ZC3HAV1: variants seen among roughly 807,000 people sequenced by gnomAD.
ZC3HAV1 encodes zinc finger CCCH-type containing, antiviral 1.
A neutral mutation model predicts 86.6 loss-of-function variants in ZC3HAV1; 41 were observed. That is an observed-to-expected ratio of 0.47 (90% CI 0.37 to 0.61). The LOEUF (loss-of-function observed/expected upper bound fraction) is 0.61. Among genes scored for constraint, ZC3HAV1 ranks in the 20% least tolerant of loss-of-function variants. ZC3HAV1 has a pLI of 0.00. For synonymous variants in ZC3HAV1, 421 were observed against 432.1 expected (o/e 0.97, Z 0.32); for missense variants, 964 against 1,141.1 (o/e 0.84, Z 2.24).
chr7:139,094,925 C>T (rs1817540217), intron 1 of ZC3HAV1, among the ~76,000 whole-genome samples: 1 of 151,816 alleles, frequency 6.6e-6, no homozygotes, highest in South Asian at 2.1e-4. Flanking sequence ...AATCGGTAAA[C>T]ACAGGACTAG....
In ZC3HAV1 at chr7:139,047,729, CG is replaced by C; in HGVS notation, c.2573del (p.Thr858ArgfsTer33). 1 of 1,614,068 alleles carries C rather than the reference CG, an allele frequency of 6.2e-7. No homozygotes were observed. The highest frequency in any genetic ancestry group is 8.5e-7 in the Non-Finnish European group (1 of 1,180,016). On this transcript the variant is annotated frameshift_variant, in exon 13 of 13. Transcript: ENST00000242351. LOFTEE classifies it high-confidence loss of function. ...GKFTEGNITY[T>X]SPPPQFDSCV... ...AGCTGTCGAACTGTGGAGGAGGGCT[CG>C]TGTACGTTATATTTCCTTCAGTAAA...
chr7:139,079,283 A>C (rs1339000226), intron 4 of ZC3HAV1, 187 bp downstream of exon 4: 14 of 1,537,170 alleles, frequency 9.1e-6, no homozygotes, highest in Admixed American at 5.9e-5. Context: ...TGTGGTGGGG[A>C]CCAGGTTCCT....
At position 139,077,006 on chromosome 7, in the gene ZC3HAV1, C is replaced by A. The variant is rs145683454; in HGVS notation, c.1574-597G>T. On this transcript the variant is annotated intron_variant, in intron 5 of 12. Transcript: ENST00000242351. The stretch of plus-strand genomic sequence containing the variant: ...ATTTAGTTACCCTTTCTGCACCCCC[C>A]CAAGTGTATGAAGCCAAAATGCTCT... Among the ~76,000 whole-genome samples, 116 of 135,888 alleles carry A rather than the reference C, an allele frequency of 8.5e-4. 6 individuals are homozygous for A. The highest frequency in any genetic ancestry group is 3.3e-3 in the African/African-American group (108 of 32,922). 89.1% of individuals were successfully genotyped at this position (135,888 alleles called of 152,430 possible). A position where few individuals can be genotyped will look rare whatever the true frequency, so the allele number is the denominator to read the frequency against.
In ZC3HAV1 at chr7:139,079,793, G is replaced by A; in HGVS notation, c.1148C>T (p.Ala383Val). ...RKTVFSPTLP[A>V]ARSSLGSLQT... ...CAGAGAGCCAAGAGAAGAGCGGGCG[G>A]CAGGTAGCGTGGGAGAAAACACAGT... The change falls in exon 4 of 13, where the codon GCC (alanine) becomes GTC (valine). Residue 383 changes from alanine (A) to valine (V), a missense_variant. Transcript: ENST00000242351. 6.2e-7 allele frequency: 1 copy of A among 1,614,146 alleles called. No individual in the cohort carries two copies. The highest frequency in any genetic ancestry group is 1.1e-5 in the South Asian group (1 of 91,082).
Position 139,069,608 on chromosome 7 carries a change from C to G in ZC3HAV1, c.1872+4248G>C, listed in dbSNP as rs372354543. 1.4e-3 allele frequency among the ~76,000 whole-genome samples: 209 copies of G among 152,270 alleles called. 1 individual carries two copies. Among genetic ancestry groups the G allele is most frequent in the African/African-American group, 4.7e-3 (197 of 41,550 alleles). On this transcript the variant is annotated intron_variant, in intron 7 of 12. Coordinates refer to ENST00000242351, the MANE Select transcript of ZC3HAV1 (RefSeq NM_020119.4). ...CCCTACACCATTGCTGCCCAACTGC[C>G]CATCGATTCAATCATCACTTCTCCT...
At chr7:139,106,367 C>A (rs1316940567) in intron 1 of ZC3HAV1, among the ~76,000 whole-genome samples, 3 of 152,198 alleles carry the variant, frequency 2.0e-5, no homozygotes, top group Admixed American at 1.3e-4. Flanking sequence ...AATCCCAGCA[C>A]TTTGGGAGGC....
At position 139,051,603 on chromosome 7, in the gene ZC3HAV1, A is replaced by C. The variant is rs542886437; in HGVS notation, c.2449+1848T>G. Among the ~76,000 whole-genome samples, 74 of 152,086 alleles carry C rather than the reference A, an allele frequency of 4.9e-4. 2 individuals are homozygous for C. The highest frequency in any genetic ancestry group is 3.6e-3 in the Admixed American group (55 of 15,278). ...AAAAATTTGTTTGTAATTAAAACAAAAAATTAGATAAGGTCTCGCCATGTT... is the reference window on the plus strand; with the variant it reads ...AAAAATTTGTTTGTAATTAAAACAACAAATTAGATAAGGTCTCGCCATGTT... On this transcript the variant is annotated intron_variant, in intron 12 of 12. Transcript: ENST00000242351.
intron 1 of ZC3HAV1, among the ~76,000 whole-genome samples, chr7:139,097,669 C>T (rs1196977269): frequency 1.3e-5 from 2 of 151,266 alleles, no homozygotes; most frequent in Non-Finnish European, 2.9e-5. Context: ...CTCCTGACCT[C>T]GTGATCCGCT....
In ZC3HAV1 at chr7:139,061,061, C is replaced by A; in HGVS notation, c.2071G>T (p.Val691Leu). 6.2e-7 allele frequency: 1 copy of A among 1,613,780 alleles called. No homozygotes were observed. The highest frequency in any genetic ancestry group is 8.5e-7 in the Non-Finnish European group (1 of 1,179,982). Reference sequence around the variant, plus strand: ...TCTGGCCCTCTCTTCATCTGCTGCACATACCACTGAGGCACAAATGTTGGT... The same window carrying A: ...TCTGGCCCTCTCTTCATCTGCTGCAAATACCACTGAGGCACAAATGTTGGT... The part of the protein sequence containing the change: ...RRPTFVPQWY[V>L]QQMKRGPDHQ... Residue 691 changes from valine to leucine, a missense_variant, in exon 9 of 13, where the codon GTG (valine) becomes TTG (leucine). Transcript: ENST00000242351.
At chr7:139,060,535 G>A (rs1816412289) in intron 9 of ZC3HAV1, 5 of 995,270 alleles carry the variant, frequency 5.0e-6, no homozygotes, top group Middle Eastern at 5.2e-4. Context: ...GAAAACAAAA[G>A]ACACCCAAAA....
intron 12 of ZC3HAV1, 132 bp downstream of exon 12, chr7:139,053,314 GCTTAC>G: frequency 3.8e-6 from 4 of 1,044,910 alleles, no homozygotes; most frequent in Non-Finnish European, 5.2e-6. Context: ...ATTACCGTGA[GCTTAC>G]TGTCTCTCCA....
In ZC3HAV1 at chr7:139,047,729, C is replaced by G; in HGVS notation, c.2574G>C (p.Thr858=). 6.2e-7 allele frequency: 1 copy of G among 1,614,068 alleles called. No individual in the cohort carries two copies. Among genetic ancestry groups the G allele is most frequent in the Non-Finnish European group, 8.5e-7 (1 of 1,180,016 alleles). Residue 858 remains threonine (T), a synonymous_variant, in exon 13 of 13, where the codon ACG becomes ACC. Coordinates refer to ENST00000242351, the MANE Select transcript of ZC3HAV1 (RefSeq NM_020119.4). ...GKFTEGNITY[T]SPPPQFDSCV... ...AGCTGTCGAACTGTGGAGGAGGGCT[C>G]GTGTACGTTATATTTCCTTCAGTAA...
chr7:139,061,202 G>C lies in ZC3HAV1; in HGVS notation c.1994-64C>G. The C allele has an allele frequency of 3.3e-6, 5 of 1,518,550 alleles. No individual in the cohort carries two copies. The South Asian group carries it at 4.6e-5, about 14-fold the overall frequency. 94.1% of individuals were successfully genotyped at this position (1,518,550 alleles called of 1,614,324 possible). ...GATCAGCCCTAGAAAATGACTTCTT[G>C]TTATTTTGCAGAGGCTATTTACACG... On this transcript the variant is annotated intron_variant, in intron 8 of 12. Transcript: ENST00000242351.
chr7:139,065,459 G>A (rs573764652), intron 7 of ZC3HAV1, among the ~76,000 whole-genome samples: 4 of 152,150 alleles, frequency 2.6e-5, no homozygotes, highest in East Asian at 1.9e-4. Context: ...TCTGGTCCTC[G>A]TCCAAACTCC....
intron 1 of ZC3HAV1, among the ~76,000 whole-genome samples, chr7:139,106,221 T>C (rs1817932291): frequency 6.6e-6 from 1 of 152,122 alleles, no homozygotes; most frequent in Non-Finnish European, 1.5e-5. Context: ...CAGGGAAAAA[T>C]ATACCATAAT....
chr7:139,089,493 T>C, intron 2 of ZC3HAV1, 131 bp downstream of exon 2: 1 of 1,216,276 alleles, frequency 8.2e-7, no homozygotes, highest in Non-Finnish European at 1.1e-6. Flanking sequence ...GTTCACTCAA[T>C]AACAGCCTCG....
At chr7:139,100,908 T>C (rs955733299) in intron 1 of ZC3HAV1, among the ~76,000 whole-genome samples, 5 of 152,132 alleles carry the variant, frequency 3.3e-5, no homozygotes, top group African/African-American at 1.2e-4. Context: ...GGCTGGACTG[T>C]ACTGCTGCCA....
chr7:139,076,262 G>C (rs1816940648), intron 6 of ZC3HAV1, 24 bp downstream of exon 6: 1 of 1,614,030 alleles, frequency 6.2e-7, no homozygotes, highest in African/African-American at 1.3e-5. Context: ...ACTCTTGAAA[G>C]CCAGAGTACA....
intron 1 of ZC3HAV1, among the ~76,000 whole-genome samples, chr7:139,095,351 G>A (rs1346587957): frequency 1.3e-5 from 2 of 152,168 alleles, no homozygotes; most frequent in Non-Finnish European, 2.9e-5. Context: ...TAGTGAGATG[G>A]AGGAGAAACA....
Sources: gnomAD v4.1 joint callset for allele counts (sites outside exome capture counted in the v4.1 genomes callset) on GRCh38, gnomAD v4.1.1 for gene constraint, MANE v1.5 for transcripts, NCBI Gene and HGNC (gene_info 2026-07-23, HGNC 2026-07-21) for gene names.